Variants in SMARCA2 observed in about 807,000 individuals in gnomAD.
SMARCA2 encodes the protein SWI/SNF related BAF chromatin remodeling complex subunit ATPase 2.
In SMARCA2, 61 loss-of-function variants were observed where a neutral mutation model predicts 199.8. The ratio of observed to expected loss-of-function variants is 0.31; its 90% CI spans 0.25 to 0.38. The LOEUF is 0.38. SMARCA2 is among the 10% of genes least tolerant of loss of function. The pLI, the probability that SMARCA2 is intolerant of heterozygous loss-of-function variation, is 1.00. For synonymous variants in SMARCA2, 935 were observed against 732.0 expected (o/e 1.28, Z -4.48); for missense variants, 1,344 against 2,012.2 (o/e 0.67, Z 6.35).
chr9:2,064,952 A>T (rs1820763538), intron 9 of SMARCA2, among the ~76,000 whole-genome samples: 1 of 152,240 alleles, frequency 6.6e-6, no homozygotes, highest in African/African-American at 2.4e-5. Context: ...TGGGAGGCCG[A>T]GGCGGGCGGA....
At chr9:2,187,620 T>C (rs2129960148) in intron 32 of SMARCA2, among the ~76,000 whole-genome samples, 1 of 152,136 alleles carries the variant, frequency 6.6e-6, no homozygotes, top group Admixed American at 6.5e-5. Context: ...AAGGCTGCAG[T>C]GAGCTATGAT....
chr9:2,160,896 A>G, intron 27 of SMARCA2: 1 of 350,734 alleles, frequency 2.9e-6, no homozygotes, highest in East Asian at 4.6e-5. Context: ...AAAAAAAAAA[A>G]GTTTAAACTT....
intron 12 of SMARCA2, among the ~76,000 whole-genome samples, chr9:2,075,982 C>T (rs1338810476): frequency 6.6e-6 from 1 of 152,194 alleles, no homozygotes; most frequent in African/African-American, 2.4e-5. Context: ...CATACTCATT[C>T]TTGGGAGCAA....
chr9:2,141,488 T>C (rs1345517478), intron 27 of SMARCA2, among the ~76,000 whole-genome samples: 2 of 152,098 alleles, frequency 1.3e-5, no homozygotes, highest in Non-Finnish European at 2.9e-5. Context: ...ATGGCACCAA[T>C]GGCATCCTAT....
chr9:2,169,562 C>G lies in SMARCA2; in HGVS notation c.4200-857C>G, dbSNP rs7853073. On this transcript the variant is annotated intron_variant, in intron 28 of 33. Coordinates refer to ENST00000349721, the MANE Select transcript of SMARCA2 (RefSeq NM_003070.5). This position sits in a 1 kb window ranked among gnomAD's most constrained non-coding sequence, Gnocchi z 6.5. ...TATGCTTTTCCCTCTCTGCAACACC[C>G]CGACCCCACACTGACTCTAGAGCAG... is the stretch of plus-strand genomic sequence containing the variant. Among the ~76,000 whole-genome samples the G allele has an allele frequency of 0.067, 10,268 of 152,160 alleles. 1,166 individuals carry two copies. Among genetic ancestry groups the G allele is most frequent in the African/African-American group, 0.23 (9,636 of 41,444 alleles).
In SMARCA2 at chr9:2,170,620, G is replaced by C. The variant is rs965222895; in HGVS notation, c.4253+148G>C. On this transcript the variant is annotated intron_variant, in intron 29 of 33. Coordinates refer to ENST00000349721, the MANE Select transcript of SMARCA2 (RefSeq NM_003070.5). This position sits in a 1 kb window ranked among gnomAD's most constrained non-coding sequence, Gnocchi z 4.7. Reference sequence around the variant, plus strand: ...ACTTGGAGAGCGGGATAGAGGCACAGATACTCTTAAACAGCTGTCATGGCT... The same window carrying C: ...ACTTGGAGAGCGGGATAGAGGCACACATACTCTTAAACAGCTGTCATGGCT... 3 of 1,327,782 alleles carry C rather than the reference G, an allele frequency of 2.3e-6. No homozygotes were observed. Among genetic ancestry groups the C allele is most frequent in the Non-Finnish European group, 3.1e-6 (3 of 959,918 alleles). 82.3% of individuals were successfully genotyped at this position (1,327,782 alleles called of 1,614,324 possible). A position where few individuals can be genotyped will look rare whatever the true frequency, so the allele number is the denominator to read the frequency against.
At chr9:2,075,580 A>C (rs1821287161) in intron 12 of SMARCA2, among the ~76,000 whole-genome samples, 1 of 152,220 alleles carries the variant, frequency 6.6e-6, no homozygotes, top group Non-Finnish European at 1.5e-5. Context: ...TACAAGATCC[A>C]GGTCCTCTAC....
chr9:2,175,678 CTTTA>C (rs754063719), intron 29 of SMARCA2, among the ~76,000 whole-genome samples: 26 of 152,230 alleles, frequency 1.7e-4, no homozygotes, highest in African/African-American at 4.8e-4. Flanking sequence ...TTGGGACCTA[CTTTA>C]TTTATGGATA....
chr9:2,040,071 C>A, intron 4 of SMARCA2, 171 bp downstream of exon 4: 2 of 1,296,022 alleles, frequency 1.5e-6, no homozygotes, highest in Non-Finnish European at 2.1e-6. Flanking sequence ...TGGTCTTCCC[C>A]TGCTGTTGAG....
rs775935502 is a variant in SMARCA2 at position 2,186,207 on chromosome 9, G to A, written c.4573G>A (p.Glu1525Lys). Residue 1525 changes from glutamate to lysine, a missense_variant, in exon 32 of 34, where the codon GAA (glutamate) becomes AAA (lysine). Physicochemically the swap from Glu to Lys is moderately conservative, Grantham distance 56. Coordinates refer to ENST00000349721, the MANE Select transcript of SMARCA2 (RefSeq NM_003070.5). ...ESNEEEEEED[E>K]EESESEAKSV... ...CAATGAAGAGGAGGAAGAGGAAGATGAAGAAGAGTCAGAGTCCGAGGGTAA... is the reference window on the plus strand; with the variant it reads ...CAATGAAGAGGAGGAAGAGGAAGATAAAGAAGAGTCAGAGTCCGAGGGTAA... The A allele has an allele frequency of 1.2e-6, 2 of 1,614,046 alleles. No individual in the cohort carries two copies. The highest frequency in any genetic ancestry group is 1.1e-5 in the South Asian group (1 of 91,078).
At chr9:2,125,516 G>A (rs2130632540) in intron 27 of SMARCA2, among the ~76,000 whole-genome samples, 1 of 141,466 alleles carries the variant, frequency 7.1e-6, no homozygotes, top group Middle Eastern at 3.7e-3. Flanking sequence ...TTGAGACAGA[G>A]TCTCTCTCTG....
chr9:2,073,120 G>T, intron 10 of SMARCA2, 92 bp from the exon 11 acceptor site: 2 of 1,465,458 alleles, frequency 1.4e-6, no homozygotes, highest in African/African-American at 2.8e-5. Flanking sequence ...GGTTTCACAT[G>T]CTGGGCAGCA....
intron 24 of SMARCA2, among the ~76,000 whole-genome samples, chr9:2,113,457 G>A (rs1168061499): frequency 2.0e-5 from 3 of 152,124 alleles, no homozygotes; most frequent in Non-Finnish European, 4.4e-5. Flanking sequence ...AAGTCAGTGT[G>A]ATGAAGTTTC....
intron 29 of SMARCA2, among the ~76,000 whole-genome samples, chr9:2,176,772 G>A (rs2129810216): frequency 6.6e-6 from 1 of 151,114 alleles, no homozygotes; most frequent in African/African-American, 2.4e-5. Context: ...TGTCTGTGCT[G>A]GTCTTGAATT....
Position 2,119,448 on chromosome 9 carries a change from T to G in SMARCA2, c.3685-10T>G. The G allele has an allele frequency of 2.5e-6, 4 of 1,604,838 alleles. No homozygotes were observed. Among genetic ancestry groups the G allele is most frequent in the Non-Finnish European group, 3.4e-6 (4 of 1,171,556 alleles). The stretch of plus-strand genomic sequence containing the variant: ...TCCACTGGTTAAAATCACTCTGTTT[T>G]TAACCCCAGGAAGAAGATGAAGTAC... On this transcript the variant is annotated splice_polypyrimidine_tract_variant and intron_variant, in intron 25 of 33. Coordinates refer to ENST00000349721, the MANE Select transcript of SMARCA2 (RefSeq NM_003070.5). This position sits in a 1 kb window ranked among gnomAD's most constrained non-coding sequence, Gnocchi z 4.6.
chr9:2,189,596 C>T (rs1334578819), intron 32 of SMARCA2, among the ~76,000 whole-genome samples: 1 of 151,984 alleles, frequency 6.6e-6, no homozygotes, highest in East Asian at 1.9e-4. Flanking sequence ...TACATCTTTC[C>T]GTTTTCATTA....
rs760341915 is a variant in SMARCA2, at chr9:2,191,266, C to G, written c.4595C>G (p.Ala1532Gly). ...EEDEEESESE[A>G]KSVKVKIKLN... ...TCTATTTCATTTGCTTTGGTTTTAG[C>G]AAAATCAGTCAAGGTGAAAATTAAG... is the stretch of plus-strand genomic sequence containing the variant. The change falls in exon 33 of 34, where the codon GCA becomes GGA. Residue 1532 changes from alanine to glycine, a missense_variant and splice_region_variant. By Grantham distance (60) the Ala-to-Gly change is moderately conservative (BLOSUM62 0). This residue lies in a region of SMARCA2 where 155 missense variants were observed against 121.1 expected (regional missense o/e 1.28). Coordinates refer to ENST00000349721, the MANE Select transcript of SMARCA2 (RefSeq NM_003070.5). 1.2e-6 allele frequency: 2 copies of G among 1,613,646 alleles called. No individual in the cohort carries two copies. Among genetic ancestry groups the G allele is most frequent in the Non-Finnish European group, 8.5e-7 (1 of 1,179,816 alleles).
intron 32 of SMARCA2, among the ~76,000 whole-genome samples, chr9:2,187,724 T>A (rs1827572183): frequency 6.6e-6 from 1 of 151,920 alleles, no homozygotes; most frequent in Non-Finnish European, 1.5e-5. Flanking sequence ...AACATAAAAT[T>A]TCTTCTTTCC....
At chr9:2,075,614 A>C (rs924331584) in intron 12 of SMARCA2, among the ~76,000 whole-genome samples, 7 of 152,232 alleles carry the variant, frequency 4.6e-5, no homozygotes, top group Admixed American at 3.9e-4. Flanking sequence ...GGGGCCATCC[A>C]AGTCCCATGG....
Sources: allele counts gnomAD v4.1 joint callset (sites outside exome capture counted in the v4.1 genomes callset), GRCh38; gene constraint gnomAD v4.1.1; regional missense constraint gnomAD v4.1.1; non-coding constraint Gnocchi (gnomAD v3.1); transcripts MANE v1.5; gene names NCBI Gene and HGNC (gene_info 2026-07-23, HGNC 2026-07-21).